The following SOX5 variants were observed in gnomAD, a reference collection of about 807,000 sequenced individuals.
The protein encoded by SOX5 is transcription factor SOX-5.
SOX5 carries 9 observed loss-of-function variants against 92.0 expected under a neutral mutation model. That is an observed-to-expected ratio of 0.10 (90% CI 0.06 to 0.17). The LOEUF (loss-of-function observed/expected upper bound fraction) is 0.17. Ranked by LOEUF, SOX5 falls within the 10% of genes least tolerant of loss-of-function variation. The pLI is 1.00. For synonymous variants in SOX5, 344 were observed against 336.3 expected (o/e 1.02, Z -0.25); for missense variants, 642 against 944.5 (o/e 0.68, Z 4.20).
chr12:23,706,946 T>C (rs1369475809), intron 6 of SOX5, among the ~76,000 whole-genome samples: 1 of 152,110 alleles, frequency 6.6e-6, no homozygotes, highest in Non-Finnish European at 1.5e-5. Flanking sequence ...CTAATATGTT[T>C]ATAAACCTCA....
chr12:24,005,148 G>A (rs1442491357), intron 4 of SOX5, among the ~76,000 whole-genome samples: 1 of 151,714 alleles, frequency 6.6e-6, no homozygotes, highest in Non-Finnish European at 1.5e-5. Flanking sequence ...AATTTGTATT[G>A]TGGTGATGGT....
rs1350254722 is a variant in SOX5, at chr12:23,737,332, A to G, written c.742-2580T>C. Among the ~76,000 whole-genome samples the G allele has an allele frequency of 2.6e-5, 4 of 152,004 alleles. No individual in the cohort carries two copies. The East Asian group carries it at 7.7e-4, about 29-fold the overall frequency. On this transcript the variant is annotated intron_variant, in intron 5 of 14. Coordinates refer to ENST00000451604, the MANE Select transcript of SOX5 (RefSeq NM_006940.6). ...GAGGTGGGCAGATCGCAAGGTCAGG[A>G]GTTCGAGACCAGCCTGGCCAACATA...
chr12:24,333,577 A>G (rs984718962), intron 2 of SOX5, among the ~76,000 whole-genome samples: 6 of 152,142 alleles, frequency 3.9e-5, no homozygotes, highest in African/African-American at 1.4e-4. Flanking sequence ...ATACTCCAAA[A>G]TCCACTCAAT....
At chr12:24,067,463 G>C (rs1341433505) in intron 4 of SOX5, among the ~76,000 whole-genome samples, 1 of 152,166 alleles carries the variant, frequency 6.6e-6, no homozygotes, top group African/African-American at 2.4e-5. Context: ...AATATCCTTT[G>C]TCGGTGGGTA....
At chr12:23,671,941 CT>C (rs922591603) in intron 6 of SOX5, among the ~76,000 whole-genome samples, 1 of 151,966 alleles carries the variant, frequency 6.6e-6, no homozygotes, top group Non-Finnish European at 1.5e-5. Flanking sequence ...AGCCACAGAA[CT>C]TTTTTTAAAA....
intron 4 of SOX5, among the ~76,000 whole-genome samples, chr12:24,095,960 C>G (rs1945356890): frequency 1.3e-5 from 2 of 152,176 alleles, no homozygotes; most frequent in Admixed American, 1.3e-4. Flanking sequence ...GTTACCCAGT[C>G]TCAGGCAGTT....
At chr12:24,081,803 T>C (rs983545177) in intron 4 of SOX5, among the ~76,000 whole-genome samples, 3 of 151,894 alleles carry the variant, frequency 2.0e-5, no homozygotes, top group Non-Finnish European at 2.9e-5. Flanking sequence ...CAACACCCAA[T>C]AGCCATTCAA....
At chr12:24,495,448 T>C (rs181449943) in intron 1 of SOX5, among the ~76,000 whole-genome samples, 129 of 152,352 alleles carry the variant, frequency 8.5e-4, no homozygotes, top group Middle Eastern at 3.4e-3. Flanking sequence ...AGAAGACTTA[T>C]TCAGAAAAGA....
intron 4 of SOX5, among the ~76,000 whole-genome samples, chr12:23,995,394 A>G (rs745658346): frequency 3.7e-4 from 56 of 152,152 alleles, no homozygotes; most frequent in Non-Finnish European, 5.9e-4. Context: ...TCTAACATGA[A>G]TTATTAAGAT....
At chr12:23,892,304 A>G (rs1382472027) in intron 2 of SOX5, among the ~76,000 whole-genome samples, 1 of 152,168 alleles carries the variant, frequency 6.6e-6, no homozygotes, top group Non-Finnish European at 1.5e-5. Flanking sequence ...GAGTTTTCCA[A>G]GTAGAAAGAA....
intron 3 of SOX5, among the ~76,000 whole-genome samples, chr12:24,275,601 TAAATC>T (rs1179616506): frequency 6.6e-6 from 1 of 152,176 alleles, no homozygotes. Context: ...GCTGAACAGT[TAAATC>T]TATCTAAAAT....
chr12:23,686,342 TTTTA>T (rs920456232), intron 6 of SOX5, among the ~76,000 whole-genome samples: 4 of 152,192 alleles, frequency 2.6e-5, no homozygotes, highest in African/African-American at 9.6e-5. Context: ...CCAGTAAGTG[TTTTA>T]TTTATTTATT....
At chr12:24,073,380 C>A (rs1942058645) in intron 4 of SOX5, among the ~76,000 whole-genome samples, 1 of 152,144 alleles carries the variant, frequency 6.6e-6, no homozygotes, top group African/African-American at 2.4e-5. Flanking sequence ...AAGTTTACGA[C>A]CCCATGGACA....
At chr12:23,700,056 C>T (rs1015721693) in intron 6 of SOX5, among the ~76,000 whole-genome samples, 4 of 152,098 alleles carry the variant, frequency 2.6e-5, no homozygotes, top group Admixed American at 6.6e-5. Flanking sequence ...TTCCGCTATA[C>T]CTGTTCTCTC....
intron 1 of SOX5, among the ~76,000 whole-genome samples, chr12:24,374,499 CCA>C (rs557572537): frequency 5.5e-5 from 8 of 145,438 alleles, no homozygotes; most frequent in African/African-American, 1.3e-4. Context: ...CTCCAGACCA[CCA>C]CACACACACA....
chr12:24,164,573 T>C (rs954736868), intron 4 of SOX5, among the ~76,000 whole-genome samples: 1 of 152,070 alleles, frequency 6.6e-6, no homozygotes, highest in Non-Finnish European at 1.5e-5. Context: ...CTGGTGTCCC[T>C]GAATGGAAAC....
intron 4 of SOX5, among the ~76,000 whole-genome samples, chr12:24,076,699 CTTT>C (rs11302877): frequency 2.3e-3 from 236 of 102,846 alleles, no homozygotes; most frequent in Middle Eastern, 0.014. Flanking sequence ...CCAAAGCTGC[CTTT>C]TTTTTTTTTT....
At chr12:24,464,313 G>C (rs1371334239) in intron 1 of SOX5, among the ~76,000 whole-genome samples, 2 of 141,532 alleles carry the variant, frequency 1.4e-5, no homozygotes, top group African/African-American at 2.6e-5. Flanking sequence ...ACTACTTCTA[G>C]TGAGAGTTAA....
At chr12:24,246,920 A>C (rs1938890209) in intron 3 of SOX5, among the ~76,000 whole-genome samples, 1 of 152,180 alleles carries the variant, frequency 6.6e-6, no homozygotes, top group Admixed American at 6.6e-5. Context: ...TCATACAAAA[A>C]ACCTAAGAGA....
Sources: allele counts gnomAD v4.1 joint callset (sites outside exome capture counted in the v4.1 genomes callset), GRCh38; gene constraint gnomAD v4.1.1; transcripts MANE v1.5; gene names NCBI Gene and HGNC (gene_info 2026-07-23, HGNC 2026-07-21).